PRORP: variants seen among roughly 807,000 people sequenced by gnomAD.
PRORP encodes the protein protein only RNase P catalytic subunit.
In PRORP, 51 loss-of-function variants were observed where a neutral mutation model predicts 59.4. The observed-to-expected ratio is 0.86, with a 90% CI of 0.69 to 1.08. PRORP has a LOEUF of 1.08. Among genes scored for constraint, PRORP ranks in the 50% least tolerant of loss-of-function variants. The probability of loss-of-function intolerance (pLI) is 0.00; values close to 1 mark genes in which losing one functional copy is unlikely to be tolerated. For missense variants in PRORP, 646 were observed against 690.3 expected (o/e 0.94, Z 0.72); for synonymous variants, 231 against 245.6 (o/e 0.94, Z 0.55).
chr14:35,167,177 G>T (rs1013466741), intron 4 of PRORP, among the ~76,000 whole-genome samples: 5 of 152,276 alleles, frequency 3.3e-5, no homozygotes, highest in African/African-American at 1.2e-4. Context: ...TAACTCTCCT[G>T]CCTTGAAGGT....
In PRORP at chr14:35,166,595, G is replaced by A. The variant is rs370100706; in HGVS notation, c.1168-14075G>A. On this transcript the variant is annotated intron_variant, in intron 4 of 7. Coordinates refer to ENST00000534898, the MANE Select transcript of PRORP (RefSeq NM_014672.4). Reference sequence around the variant, plus strand: ...CTCCCAAGTAGCTGGGACTACAGGCGCGTGCCACCACGCCCAGCTAATTTT... The same window carrying A: ...CTCCCAAGTAGCTGGGACTACAGGCACGTGCCACCACGCCCAGCTAATTTT... 8.6e-5 allele frequency among the ~76,000 whole-genome samples: 13 copies of A among 152,008 alleles called. No homozygotes were observed. The East Asian group carries it at 9.7e-4, about 11-fold the overall frequency.
rs143121800 is a variant in PRORP at position 35,180,694 on chromosome 14, A to C, written c.1192A>C (p.Ile398Leu). The change falls in exon 5 of 8, where the codon ATA becomes CTA. Residue 398 changes from isoleucine (I) to leucine (L), a missense_variant. Ile to Leu is a conservative substitution (Grantham distance 5). Coordinates refer to ENST00000534898, the MANE Select transcript of PRORP (RefSeq NM_014672.4). ...GGAACTTAAGAGATTTGAGAACTTCATAAAATCTCGTCCTCCTTTTGATGT... is the reference window on the plus strand; with the variant it reads ...GGAACTTAAGAGATTTGAGAACTTCCTAAAATCTCGTCCTCCTTTTGATGT... The part of the protein sequence containing the change: ...PQELKRFENF[I>L]KSRPPFDVVI... The C allele has an allele frequency of 5.3e-5, 86 of 1,611,828 alleles. No individual in the cohort carries two copies. Among genetic ancestry groups the C allele is most frequent in the Admixed American group, 1.2e-4 (7 of 59,948 alleles).
chr14:35,185,586 A>G (rs2048720948), intron 5 of PRORP, among the ~76,000 whole-genome samples: 1 of 152,236 alleles, frequency 6.6e-6, no homozygotes, highest in Non-Finnish European at 1.5e-5. Flanking sequence ...CTTCCCATAG[A>G]CATTCAAGCA....
chr14:35,253,412 GAAAA>G (rs374813566), intron 5 of PRORP, among the ~76,000 whole-genome samples: 1 of 107,798 alleles, frequency 9.3e-6, no homozygotes, highest in Non-Finnish European at 1.8e-5. Flanking sequence ...AGGAAAGAAA[GAAAA>G]AAAGAAAAGA....
At chr14:35,142,034 A>T (rs8019445) in intron 4 of PRORP, among the ~76,000 whole-genome samples, 11,188 of 145,036 alleles carry the variant, frequency 0.077, 1,689 homozygotes, top group African/African-American at 0.25. Context: ...GCCTGCAACC[A>T]CGCCCAGCTA....
chr14:35,223,239 T>A (rs980377995), intron 5 of PRORP, among the ~76,000 whole-genome samples: 2 of 142,226 alleles, frequency 1.4e-5, no homozygotes, highest in African/African-American at 2.5e-5. Context: ...TTTTTTTTTT[T>A]ACCAGAATGA....
chr14:35,131,895 A>T (rs1416955657), intron 4 of PRORP, among the ~76,000 whole-genome samples: 4 of 150,908 alleles, frequency 2.7e-5, no homozygotes, highest in Non-Finnish European at 5.9e-5. Flanking sequence ...GCTGGAGTGC[A>T]GTGGTGCTAT....
intron 5 of PRORP, among the ~76,000 whole-genome samples, chr14:35,242,600 G>A (rs908443120): frequency 6.6e-6 from 1 of 152,088 alleles, no homozygotes; most frequent in African/African-American, 2.4e-5. Context: ...ACATACATAC[G>A]TATTTTGCAC....
At chr14:35,153,006 T>A (rs1220025801) in intron 4 of PRORP, among the ~76,000 whole-genome samples, 1 of 152,198 alleles carries the variant, frequency 6.6e-6, no homozygotes, top group Non-Finnish European at 1.5e-5. Flanking sequence ...GGGCAGAGGC[T>A]GTAATCTCGG....
chr14:35,126,841 A>G (rs963256901), intron 3 of PRORP, 59 bp downstream of exon 3: 9 of 1,262,478 alleles, frequency 7.1e-6, no homozygotes, highest in Admixed American at 4.1e-5. Context: ...TTTTGTTGCT[A>G]TTAATTGAAA....
At chr14:35,170,943 C>T (rs1344462150) in intron 4 of PRORP, among the ~76,000 whole-genome samples, 7 of 151,896 alleles carry the variant, frequency 4.6e-5, no homozygotes, top group South Asian at 4.2e-4. Context: ...TCTGCCTCCC[C>T]GGTTCAAGCA....
chr14:35,233,259 A>G (rs1333709894), intron 5 of PRORP, among the ~76,000 whole-genome samples: 1 of 149,990 alleles, frequency 6.7e-6, no homozygotes, highest in Non-Finnish European at 1.5e-5. Context: ...ACCATCGGCT[A>G]CGGCATTGCA....
At chr14:35,127,353 A>G in intron 3 of PRORP, 126 bp from the exon 4 acceptor site, 1 of 659,320 alleles carries the variant, frequency 1.5e-6, no homozygotes, top group Non-Finnish European at 2.3e-6. Context: ...GTATGTGATT[A>G]TCACAAAGGT....
intron 5 of PRORP, among the ~76,000 whole-genome samples, chr14:35,232,318 AC>A (rs1318171540): frequency 1.3e-5 from 2 of 150,174 alleles, no homozygotes; most frequent in Admixed American, 1.3e-4. Flanking sequence ...CAGTCCTCTC[AC>A]CTCAGCTTCC....
chr14:35,177,205 T>C (rs2048475758), intron 4 of PRORP, among the ~76,000 whole-genome samples: 2 of 152,196 alleles, frequency 1.3e-5, no homozygotes, highest in Admixed American at 1.3e-4. Flanking sequence ...AAAATTTCTC[T>C]TTTTTTGTTG....
At chr14:35,248,553 T>A (rs748754759) in intron 5 of PRORP, among the ~76,000 whole-genome samples, 2 of 152,206 alleles carry the variant, frequency 1.3e-5, no homozygotes, top group Non-Finnish European at 2.9e-5. Context: ...GATCTCTTTC[T>A]CTCTCTGCAA....
intron 6 of PRORP, 50 bp downstream of exon 6, chr14:35,266,925 C>A (rs773700800): frequency 1.3e-6 from 2 of 1,597,150 alleles, no homozygotes; most frequent in Non-Finnish European, 8.6e-7. Flanking sequence ...AGACATCTAT[C>A]TGCTTGTTAG....
intron 5 of PRORP, 110 bp from the exon 6 acceptor site, chr14:35,266,617 C>A: frequency 9.0e-7 from 1 of 1,116,212 alleles, no homozygotes; most frequent in Non-Finnish European, 1.3e-6. Context: ...TTTTCTTACC[C>A]CCTACCAGAA....
chr14:35,267,730 G>A (rs1452809144), intron 6 of PRORP, among the ~76,000 whole-genome samples: 3 of 151,866 alleles, frequency 2.0e-5, no homozygotes, highest in South Asian at 2.1e-4. Context: ...GCAGTGAGCC[G>A]AGATCGCGCC....
Sources: allele counts gnomAD v4.1 joint callset (sites outside exome capture counted in the v4.1 genomes callset), GRCh38; gene constraint gnomAD v4.1.1; transcripts MANE v1.5; gene names NCBI Gene and HGNC (gene_info 2026-07-23, HGNC 2026-07-21).